The following LAMA3 variants were observed in gnomAD, a reference collection of about 807,000 sequenced individuals.
LAMA3 encodes the protein laminin subunit alpha 3, also known as laminin subunit alpha-3.
LAMA3 carries 281 observed loss-of-function variants against 402.0 expected under a neutral mutation model. That is an observed-to-expected ratio of 0.70 (90% CI 0.63 to 0.77). LAMA3 has a LOEUF of 0.77. Ranked by LOEUF, LAMA3 falls within the 30% of genes least tolerant of loss-of-function variation. The pLI is 0.00. For missense variants in LAMA3, 3,840 were observed against 4,215.5 expected, an observed-to-expected ratio of 0.91 and a Z score of 2.47; for synonymous variants, 1,431 against 1,558.4, an observed-to-expected ratio of 0.92 and a Z score of 1.93.
intron 12 of LAMA3, among the ~76,000 whole-genome samples, chr18:23,803,100 G>A (rs1484800571): frequency 1.3e-5 from 2 of 152,132 alleles, no homozygotes; most frequent in Non-Finnish European, 2.9e-5. Flanking sequence ...AGTAAATAAA[G>A]CATTCTGTAA....
At position 23,810,494 on chromosome 18, in the gene LAMA3, C is replaced by T. The variant is rs771451496; in HGVS notation, c.1732C>T (p.His578Tyr). 10 of 1,614,048 alleles carry T rather than the reference C, an allele frequency of 6.2e-6. No individual in the cohort carries two copies. Among genetic ancestry groups the T allele is most frequent in the Non-Finnish European group, 8.5e-6 (10 of 1,179,982 alleles). ...TCTCTCAGGAGCTTATGATTTCCCC[C>T]ACTGCCAAGGTAGGAAAGTCAGCAG... ...RCLSGAYDFPHCQGSSSACDP... is the reference protein window; with the variant it reads ...RCLSGAYDFPYCQGSSSACDP... The change falls in exon 13 of 75, where the codon CAC becomes TAC. Residue 578 changes from histidine (H) to tyrosine (Y), a missense_variant. Coordinates refer to ENST00000313654, the MANE Select transcript of LAMA3 (RefSeq NM_198129.4).
rs766705233 is a variant in LAMA3 at position 23,810,434 on chromosome 18, C to T, written c.1672C>T (p.Arg558Trp). 7.4e-6 allele frequency: 12 copies of T among 1,614,088 alleles called. No homozygotes were observed. Among genetic ancestry groups the T allele is most frequent in the South Asian group, 1.1e-5 (1 of 91,080 alleles). Residue 558 changes from arginine to tryptophan, a missense_variant, in exon 13 of 75, where the codon CGG (arginine) becomes TGG (tryptophan). This residue lies in a region of LAMA3 where 2,109 missense variants were observed against 2,376.0 expected (regional missense o/e 0.89). Transcript: ENST00000313654. ...CTCAGTGACTGGACAGTGTGAATGT[C>T]GGCCAGGAGTTACAGGACAGCGGTG... ...CSSVTGQCEC[R>W]PGVTGQRCDR...
intron 2 of LAMA3, among the ~76,000 whole-genome samples, chr18:23,719,990 T>G (rs2061181026): frequency 6.6e-6 from 1 of 152,240 alleles, no homozygotes. Flanking sequence ...GGACTATGTC[T>G]TGTTTTGTTC....
chr18:23,784,843 A>G (rs2062511172), intron 12 of LAMA3, among the ~76,000 whole-genome samples: 2 of 152,176 alleles, frequency 1.3e-5, no homozygotes, highest in Admixed American at 6.5e-5. Flanking sequence ...TCTGCAGACA[A>G]TGGTGTAGGG....
chr18:23,886,087 T>C (rs1014391919), intron 41 of LAMA3, among the ~76,000 whole-genome samples: 1 of 152,246 alleles, frequency 6.6e-6, no homozygotes, highest in Non-Finnish European at 1.5e-5. Context: ...CTCCTACTCT[T>C]GGTCTTGGAG....
chr18:23,754,638 A>G (rs2061810871), intron 6 of LAMA3, among the ~76,000 whole-genome samples: 1 of 152,228 alleles, frequency 6.6e-6, no homozygotes, highest in African/African-American at 2.4e-5. Flanking sequence ...GGCTGCTGTG[A>G]ACATGAATGT....
At position 23,698,508 on chromosome 18, in the gene LAMA3, CTT is replaced by C. The variant is rs559893128; in HGVS notation, c.294+8532_294+8533del. Among the ~76,000 whole-genome samples, 20 of 152,314 alleles carry C rather than the reference CTT, an allele frequency of 1.3e-4. No homozygotes were observed. In the East Asian group the frequency reaches 3.1e-3, roughly 24 times the overall value. On this transcript the variant is annotated intron_variant, in intron 1 of 74. Transcript: ENST00000313654. ...GCGTGAGCCACCGCGCCCCACCTCTCTTCTTTTTTATCTCTTGCCTGCACTGT... is the reference window on the plus strand; with the variant it reads ...GCGTGAGCCACCGCGCCCCACCTCTCCTTTTTTATCTCTTGCCTGCACTGT...
At chr18:23,900,375 A>G (rs926236577) in intron 47 of LAMA3, among the ~76,000 whole-genome samples, 2 of 152,150 alleles carry the variant, frequency 1.3e-5, no homozygotes, top group African/African-American at 2.4e-5. Context: ...CCAGCCTCTG[A>G]AATGAACTTT....
intron 40 of LAMA3, 45 bp downstream of exon 40, chr18:23,882,090 T>C: frequency 7.5e-7 from 1 of 1,333,338 alleles, no homozygotes; most frequent in Non-Finnish European, 1.1e-6. Context: ...CAAAGTCGTT[T>C]GGTGGCTGCC....
chr18:23,761,541 T>C (rs1217113646), intron 7 of LAMA3, among the ~76,000 whole-genome samples: 1 of 152,232 alleles, frequency 6.6e-6, no homozygotes, highest in Non-Finnish European at 1.5e-5. Context: ...ATAGGGATGA[T>C]GGTACCTACC....
rs1307251231 is a variant in LAMA3, at chr18:23,949,053, G to A, written c.9352-712G>A. Among the ~76,000 whole-genome samples, 3 of 152,136 alleles carry A rather than the reference G, an allele frequency of 2.0e-5. No individual in the cohort carries two copies. In the East Asian group the frequency reaches 5.8e-4, roughly 29 times the overall value. On this transcript the variant is annotated intron_variant, in intron 70 of 74. Coordinates refer to ENST00000313654, the MANE Select transcript of LAMA3 (RefSeq NM_198129.4). ...AAAATGCACACGCAGAACACACCTG[G>A]TGTATAATATAGGAGAGCACAGAAC...
intron 69 of LAMA3, 47 bp from the exon 70 acceptor site, chr18:23,946,097 A>G (rs763395691): frequency 1.9e-6 from 3 of 1,578,642 alleles, no homozygotes; most frequent in Non-Finnish European, 2.6e-6. Context: ...TACAACACCA[A>G]TTGTCAAAGG....
chr18:23,716,373 G>T (rs1052001402), intron 2 of LAMA3, among the ~76,000 whole-genome samples: 3 of 152,060 alleles, frequency 2.0e-5, no homozygotes, highest in African/African-American at 4.8e-5. Flanking sequence ...TGCCCAGGCT[G>T]GTCTTGAATT....
intron 2 of LAMA3, among the ~76,000 whole-genome samples, chr18:23,742,356 C>T (rs767292315): frequency 6.6e-6 from 1 of 151,962 alleles, no homozygotes; most frequent in African/African-American, 2.4e-5. Context: ...GACTCACTGC[C>T]GTATGTAATC....
At chr18:23,797,403 C>G (rs2062785389) in intron 12 of LAMA3, among the ~76,000 whole-genome samples, 1 of 152,134 alleles carries the variant, frequency 6.6e-6, no homozygotes, top group Admixed American at 6.5e-5. Flanking sequence ...CTGCTTTGCT[C>G]TTTCTTGCTT....
intron 13 of LAMA3, among the ~76,000 whole-genome samples, chr18:23,810,750 T>G (rs1486582621): frequency 1.3e-5 from 2 of 152,200 alleles, no homozygotes; most frequent in African/African-American, 4.8e-5. Flanking sequence ...AATTTCCATG[T>G]GCTATACATG....
chr18:23,823,821 CAT>C (rs1363880222), intron 20 of LAMA3, among the ~76,000 whole-genome samples: 4 of 152,194 alleles, frequency 2.6e-5, no homozygotes, highest in Non-Finnish European at 1.5e-5. Context: ...CAGAAGAAAA[CAT>C]ATTTTTTCCT....
chr18:23,781,458 A>G (rs2062436772), intron 11 of LAMA3, among the ~76,000 whole-genome samples: 1 of 152,196 alleles, frequency 6.6e-6, no homozygotes, highest in Admixed American at 6.5e-5. Context: ...AAAGCATACA[A>G]ATGTATGTAA....
intron 67 of LAMA3, among the ~76,000 whole-genome samples, chr18:23,935,186 G>A (rs1446725205): frequency 1.3e-5 from 2 of 152,254 alleles, no homozygotes; most frequent in African/African-American, 4.8e-5. Flanking sequence ...AGACAAGGGA[G>A]AGGCAGGAGT....
Sources: gnomAD v4.1 joint callset for allele counts (sites outside exome capture counted in the v4.1 genomes callset) on GRCh38, gnomAD v4.1.1 for gene constraint, gnomAD v4.1.1 regional missense constraint, MANE v1.5 for transcripts, NCBI Gene and HGNC (gene_info 2026-07-23, HGNC 2026-07-21) for gene names.